Variants in CLEC2L observed in about 807,000 individuals in gnomAD.
The protein encoded by CLEC2L is C-type lectin domain family 2, member L.
CLEC2L carries 14 observed loss-of-function variants against 23.6 expected under a neutral mutation model. The ratio of observed to expected loss-of-function variants is 0.59; its 90% CI spans 0.39 to 0.93. The LOEUF (loss-of-function observed/expected upper bound fraction) is 0.93. CLEC2L is among the 40% of genes least tolerant of loss of function. CLEC2L has a pLI of 0.00. For missense variants in CLEC2L, 264 were observed against 282.4 expected (o/e 0.93, Z 0.47); for synonymous variants, 114 against 121.3 (o/e 0.94, Z 0.40).
Position 139,544,501 on chromosome 7 carries a change from A to C in CLEC2L, c.*159A>C. The C allele has an allele frequency of 3.3e-6, 2 of 602,720 alleles. No individual in the cohort carries two copies. The highest frequency in any genetic ancestry group is 5.9e-6 in the Non-Finnish European group (2 of 339,230). The allele number at this position is 602,720 out of a possible 1,614,324, so 37.3% of individuals were successfully genotyped here. Reference sequence around the variant, plus strand: ...CCCTCTCCCAGGCCCTGGCGCTCTGAGTCCCTGGTTCCTGGCCTCCTTTGT... The same window carrying C: ...CCCTCTCCCAGGCCCTGGCGCTCTGCGTCCCTGGTTCCTGGCCTCCTTTGT... On this transcript the variant is annotated 3_prime_UTR_variant, in exon 5 of 5. Coordinates refer to ENST00000422142, the MANE Select transcript of CLEC2L (RefSeq NM_001080511.4).
chr7:139,526,423 G>A (rs140861738), intron 1 of CLEC2L, among the ~76,000 whole-genome samples: 1,919 of 152,278 alleles, frequency 0.013, 152 homozygotes, highest in Admixed American at 0.12. Context: ...GAAGAAAGGA[G>A]CTCATGGAGC....
Position 139,544,401 on chromosome 7 carries a change from C to T in CLEC2L, c.*59C>T, listed in dbSNP as rs1410349695. On this transcript the variant is annotated 3_prime_UTR_variant, in exon 5 of 5. Coordinates refer to ENST00000422142, the MANE Select transcript of CLEC2L (RefSeq NM_001080511.4). ...GCCTGTGGGAGGTGTCTGGTGTCTG[C>T]TCAAGACCTGCTTCCAGCGGAGCCG... is the stretch of plus-strand genomic sequence containing the variant. The T allele has an allele frequency of 1.6e-6, 2 of 1,254,352 alleles. No individual in the cohort carries two copies. Among genetic ancestry groups the T allele is most frequent in the African/African-American group, 3.0e-5 (2 of 67,568 alleles). The allele number at this position is 1,254,352 out of a possible 1,614,324, so 77.7% of individuals were successfully genotyped here.
At chr7:139,542,150 C>A (rs767122126) in intron 4 of CLEC2L, 29 bp downstream of exon 4, 3 of 1,506,556 alleles carry the variant, frequency 2.0e-6, no homozygotes, top group South Asian at 1.2e-5. Flanking sequence ...TTCTGGCTAC[C>A]GAGCTTAGAC....
Position 139,544,449 on chromosome 7 carries a change from G to T in CLEC2L, c.*107G>T. ...CCGCCTGCCCTCTGCAAGGCGAAGC[G>T]GTGGGTGCGTGGCCTCCGCCCCAGG... On this transcript the variant is annotated 3_prime_UTR_variant, in exon 5 of 5. Transcript: ENST00000422142. 1.3e-6 allele frequency: 1 copy of T among 789,644 alleles called. No homozygotes were observed. Among genetic ancestry groups the T allele is most frequent in the Non-Finnish European group, 2.1e-6 (1 of 484,340 alleles). 48.9% of individuals were successfully genotyped at this position (789,644 alleles called of 1,614,324 possible). A position where few individuals can be genotyped will look rare whatever the true frequency, so the allele number is the denominator to read the frequency against.
chr7:139,534,348 T>A, intron 1 of CLEC2L: 1 of 1,074,962 alleles, frequency 9.3e-7, no homozygotes, highest in Non-Finnish European at 1.5e-6. Flanking sequence ...GTAAAATGTA[T>A]GAAGACATGT....
At chr7:139,527,660 T>C (rs1569425695) in intron 1 of CLEC2L, among the ~76,000 whole-genome samples, 1 of 152,030 alleles carries the variant, frequency 6.6e-6, no homozygotes, top group East Asian at 1.9e-4. Context: ...ATTTCTGGCA[T>C]TGAGAGTGGC....
chr7:139,534,021 AC>A (rs1471975303), intron 1 of CLEC2L, among the ~76,000 whole-genome samples: 1 of 152,348 alleles, frequency 6.6e-6, no homozygotes, highest in Non-Finnish European at 1.5e-5. Context: ...AAAAATCCAA[AC>A]AAAATTGTAA....
chr7:139,544,224 G>C lies in CLEC2L; in HGVS notation c.534-7G>C, dbSNP rs1216628867. 2 of 1,608,144 alleles carry C rather than the reference G, an allele frequency of 1.2e-6. No homozygotes were observed. Among genetic ancestry groups the C allele is most frequent in the Non-Finnish European group, 1.7e-6 (2 of 1,176,116 alleles). On this transcript the variant is annotated splice_polypyrimidine_tract_variant and splice_region_variant and intron_variant, in intron 4 of 4. Coordinates refer to ENST00000422142, the MANE Select transcript of CLEC2L (RefSeq NM_001080511.4). ...CATAAACGCCTGGTCTTCTCTCCTGGCCACAGGTTCACCATCGCAGGTCCA... is the reference window on the plus strand; with the variant it reads ...CATAAACGCCTGGTCTTCTCTCCTGCCCACAGGTTCACCATCGCAGGTCCA...
Position 139,540,453 on chromosome 7 carries a change from C to A in CLEC2L, c.398C>A (p.Ala133Glu). ...TGRQYCHTHE[A>E]VLAVIQSQKE... ...AGGCAGTACTGCCACACCCACGAGG[C>A]GGTGCTGGCTGTGATTCAGAGCCAG... Residue 133 changes from alanine (A) to glutamate (E), a missense_variant, in exon 3 of 5, where the codon GCG (alanine) becomes GAG (glutamate). Physicochemically the swap from Ala to Glu is moderately radical, Grantham distance 107. Transcript: ENST00000422142. The surrounding 1 kb of genome is among the most constrained non-coding windows in gnomAD (Gnocchi z 5.8). 1 of 1,600,710 alleles carries A rather than the reference C, an allele frequency of 6.2e-7. No homozygotes were observed. Among genetic ancestry groups the A allele is most frequent in the Non-Finnish European group, 8.5e-7 (1 of 1,173,974 alleles).
chr7:139,544,265 G>T lies in CLEC2L; in HGVS notation c.568G>T (p.Val190Leu), dbSNP rs768735887. Residue 190 changes from valine (V) to leucine (L), a missense_variant, in exon 5 of 5, where the codon GTG becomes TTG. Coordinates refer to ENST00000422142, the MANE Select transcript of CLEC2L (RefSeq NM_001080511.4). ...CGCAGGTCCAGGGGAGTGTGTCTTC[G>T]TGGAGCCCACCAGGCTGGTGTCGAC... ...TIAGPGECVFVEPTRLVSTEC... is the reference protein window; with the variant it reads ...TIAGPGECVFLEPTRLVSTEC... 2 of 1,613,524 alleles carry T rather than the reference G, an allele frequency of 1.2e-6. No homozygotes were observed. The highest frequency in any genetic ancestry group is 1.1e-5 in the South Asian group (1 of 90,968).
At position 139,535,131 on chromosome 7, in the gene CLEC2L, A is replaced by G. The variant is rs373381125; in HGVS notation, c.191-1143A>G. ...ATAGCCAAAAGGTGGAAACAGCCCAAATGTCTACCAACAGATGAATGGATA... is the reference window on the plus strand; with the variant it reads ...ATAGCCAAAAGGTGGAAACAGCCCAGATGTCTACCAACAGATGAATGGATA... On this transcript the variant is annotated intron_variant, in intron 1 of 4. Transcript: ENST00000422142. Among the ~76,000 whole-genome samples, 44 of 152,244 alleles carry G rather than the reference A, an allele frequency of 2.9e-4. 2 individuals carry two copies. The highest frequency in any genetic ancestry group is 2.2e-3 in the Admixed American group (33 of 15,286).
At chr7:139,531,671 G>A (rs2116309847) in intron 1 of CLEC2L, among the ~76,000 whole-genome samples, 1 of 152,264 alleles carries the variant, frequency 6.6e-6, no homozygotes, top group East Asian at 1.9e-4. Context: ...CACTTTGGGA[G>A]GCTGAGGCGG....
chr7:139,528,685 A>G (rs1016471201), intron 1 of CLEC2L, among the ~76,000 whole-genome samples: 11 of 152,180 alleles, frequency 7.2e-5, no homozygotes, highest in African/African-American at 2.4e-4. Context: ...GGGTGGGGAC[A>G]TAGTTGAACG....
chr7:139,542,536 C>T (rs28397243), intron 4 of CLEC2L, among the ~76,000 whole-genome samples: 4,180 of 152,330 alleles, frequency 0.027, 170 homozygotes, highest in African/African-American at 0.094. Flanking sequence ...ATGGCCGCAC[C>T]TGGCCGCAAG....
intron 1 of CLEC2L, among the ~76,000 whole-genome samples, chr7:139,526,351 G>C (rs1055814529): frequency 6.6e-6 from 1 of 152,104 alleles, no homozygotes; most frequent in Non-Finnish European, 1.5e-5. Context: ...GGTGGGGCAG[G>C]GTAGAGAGAG....
At chr7:139,536,717 G>A (rs1797663050) in intron 2 of CLEC2L, among the ~76,000 whole-genome samples, 1 of 152,102 alleles carries the variant, frequency 6.6e-6, no homozygotes, top group Admixed American at 6.6e-5. Context: ...GCTCACGCCT[G>A]TAATCCCAGC....
intron 1 of CLEC2L, among the ~76,000 whole-genome samples, chr7:139,533,440 C>T (rs1012805534): frequency 1.3e-5 from 2 of 152,210 alleles, no homozygotes; most frequent in Non-Finnish European, 2.9e-5. Flanking sequence ...ACTGCAACCT[C>T]CGCCTCCTGA....
Position 139,540,454 on chromosome 7 carries a change from G to A in CLEC2L, c.399G>A (p.Ala133=), listed in dbSNP as rs1412000924. Residue 133 remains alanine, a synonymous_variant, in exon 3 of 5, where the codon GCG becomes GCA. Transcript: ENST00000422142. The surrounding 1 kb of genome is among the most constrained non-coding windows in gnomAD (Gnocchi z 5.8). Reference sequence around the variant, plus strand: ...GGCAGTACTGCCACACCCACGAGGCGGTGCTGGCTGTGATTCAGAGCCAGA... The same window carrying A: ...GGCAGTACTGCCACACCCACGAGGCAGTGCTGGCTGTGATTCAGAGCCAGA... The part of the protein sequence containing the change: ...TGRQYCHTHE[A]VLAVIQSQKE... 23 of 1,599,794 alleles carry A rather than the reference G, an allele frequency of 1.4e-5. No individual in the cohort carries two copies. Among genetic ancestry groups the A allele is most frequent in the Middle Eastern group, 1.7e-4 (1 of 5,906 alleles).
intron 1 of CLEC2L, among the ~76,000 whole-genome samples, chr7:139,535,263 A>G (rs1797636563): frequency 6.6e-6 from 1 of 152,248 alleles, no homozygotes; most frequent in South Asian, 2.1e-4. Flanking sequence ...AATCTGTGAA[A>G]GGAACCAGAC....
Sources: gnomAD v4.1 joint callset for allele counts (sites outside exome capture counted in the v4.1 genomes callset) on GRCh38, gnomAD v4.1.1 for gene constraint, Gnocchi (gnomAD v3.1) non-coding constraint, MANE v1.5 for transcripts, NCBI Gene and HGNC (gene_info 2026-07-23, HGNC 2026-07-21) for gene names.